The following RRM1 variants were observed in gnomAD, a reference collection of about 807,000 sequenced individuals.
The protein encoded by RRM1 is ribonucleoside-diphosphate reductase large subunit.
A neutral mutation model predicts 101.5 loss-of-function variants in RRM1; 19 were observed. That is an observed-to-expected ratio of 0.19 (90% CI 0.13 to 0.27). The LOEUF is 0.27. Ranked by LOEUF, RRM1 falls within the 10% of genes least tolerant of loss-of-function variation. The pLI, the probability that RRM1 is intolerant of heterozygous loss-of-function variation, is 1.00. For synonymous variants in RRM1, 298 were observed against 323.4 expected (o/e 0.92, Z 0.84); for missense variants, 500 against 962.9 (o/e 0.52, Z 6.36).
At chr11:4,126,993 A>C (rs1324519288) in intron 13 of RRM1, 42 bp from the exon 14 acceptor site, 1 of 1,545,220 alleles carries the variant, frequency 6.5e-7, no homozygotes, top group Non-Finnish European at 8.8e-7. Flanking sequence ...TTTCCTGTTC[A>C]GTAATGTTTT....
chr11:4,124,065 T>G (rs908031328), intron 12 of RRM1, among the ~76,000 whole-genome samples: 1 of 152,088 alleles, frequency 6.6e-6, no homozygotes, highest in Non-Finnish European at 1.5e-5. Context: ...GGCAAGTAAG[T>G]CTGTTTTGAT....
rs1399353279 is a variant in RRM1, at chr11:4,135,110, A to G, written c.2030A>G (p.Lys677Arg). Residue 677 changes from lysine to arginine, a missense_variant, in exon 18 of 19, where the codon AAG becomes AGG. Physicochemically the swap from Lys to Arg is conservative, Grantham distance 26. Transcript: ENST00000300738. ...ATACCAGAAATTCCTGATGACCTGA[A>G]GCAACTTTATAAAACTGTGTGGGAA... ...QSIPEIPDDLKQLYKTVWEIS... is the reference protein window; with the variant it reads ...QSIPEIPDDLRQLYKTVWEIS... The G allele has an allele frequency of 6.2e-7, 1 of 1,612,022 alleles. No homozygotes were observed. Among genetic ancestry groups the G allele is most frequent in the South Asian group, 1.1e-5 (1 of 90,582 alleles).
chr11:4,104,619 C>T (rs1446420864), intron 2 of RRM1, among the ~76,000 whole-genome samples: 1 of 152,150 alleles, frequency 6.6e-6, no homozygotes, highest in Non-Finnish European at 1.5e-5. Flanking sequence ...GGGCAAGTCT[C>T]AGTAACCTGA....
At chr11:4,094,786 A>C, upstream of RRM1, 1 of 592,368 alleles carries the variant, frequency 1.7e-6, no homozygotes, top group East Asian at 2.8e-5. Flanking sequence ...ACGTCATTCG[A>C]ACCCCGTCGC....
intron 2 of RRM1, among the ~76,000 whole-genome samples, chr11:4,103,220 T>G (rs2094553996): frequency 6.6e-6 from 1 of 152,258 alleles, no homozygotes; most frequent in South Asian, 2.1e-4. Flanking sequence ...GACATGTATC[T>G]AATTAGCCAC....
rs2094619486 is a variant in RRM1, at chr11:4,138,871, A to C, written c.*488A>C. On this transcript the variant is annotated 3_prime_UTR_variant, in exon 19 of 19. Transcript: ENST00000300738. Reference sequence around the variant, plus strand: ...TTCTGAAATAAAGATAAACATTTCTAAGTGATTGTATGAGATTAATTTTGT... The same window carrying C: ...TTCTGAAATAAAGATAAACATTTCTCAGTGATTGTATGAGATTAATTTTGT... 5.4e-6 allele frequency: 1 copy of C among 184,378 alleles called. No individual in the cohort carries two copies. Among genetic ancestry groups the C allele is most frequent in the Non-Finnish European group, 1.2e-5 (1 of 86,930 alleles). The allele number at this position is 184,378 out of a possible 1,614,324, so 11.4% of individuals were successfully genotyped here. A position where few individuals can be genotyped will look rare whatever the true frequency, so the allele number is the denominator to read the frequency against.
chr11:4,109,645 G>T lies in RRM1; in HGVS notation c.389G>T (p.Arg130Leu). The T allele has an allele frequency of 6.2e-7, 1 of 1,604,866 alleles. No individual in the cohort carries two copies. Among genetic ancestry groups the T allele is most frequent in the Non-Finnish European group, 8.5e-7 (1 of 1,175,662 alleles). Reference protein sequence around the residue: ...TLDIVLANKDRLNSAIIYDRD... With the variant: ...TLDIVLANKDLLNSAIIYDRD... ...TGGGTTCTTTTTCACCCCTATCAGC[G>T]CCTGAATTCTGCTATTATCTATGAC... The change falls in exon 5 of 19, where the codon CGC (arginine) becomes CTC (leucine). Residue 130 changes from arginine (R) to leucine (L), a missense_variant and splice_region_variant. By Grantham distance (102) the Arg-to-Leu change is moderately radical. Coordinates refer to ENST00000300738, the MANE Select transcript of RRM1 (RefSeq NM_001033.5).
intron 18 of RRM1, among the ~76,000 whole-genome samples, chr11:4,136,280 G>A (rs755841853): frequency 5.9e-5 from 9 of 151,960 alleles, no homozygotes; most frequent in South Asian, 2.1e-4. Flanking sequence ...GGAGTACAGC[G>A]GCATGATCTT....
At chr11:4,129,524 C>T (rs2094595438) in intron 15 of RRM1, among the ~76,000 whole-genome samples, 1 of 151,310 alleles carries the variant, frequency 6.6e-6, no homozygotes, top group Non-Finnish European at 1.5e-5. Flanking sequence ...TTACATCGGG[C>T]ATATAAATGG....
chr11:4,122,058 C>G, intron 10 of RRM1, 83 bp from the exon 11 acceptor site: 1 of 1,075,566 alleles, frequency 9.3e-7, no homozygotes, highest in South Asian at 1.5e-5. Context: ...TTGTAAAAGT[C>G]ACCTTATGCT....
chr11:4,095,174 C>G, intron 1 of RRM1, 143 bp downstream of exon 1: 2 of 1,013,808 alleles, frequency 2.0e-6, no homozygotes, highest in South Asian at 1.5e-5. Context: ...CCCTGTCAGC[C>G]CGCTCGGCCT....
intron 18 of RRM1, among the ~76,000 whole-genome samples, chr11:4,136,846 A>G (rs1419515944): frequency 1.3e-5 from 2 of 151,712 alleles, no homozygotes; most frequent in African/African-American, 4.9e-5. Flanking sequence ...ATAGGACAAT[A>G]GTAGAGGGAG....
intron 1 of RRM1, 184 bp from the exon 2 acceptor site, chr11:4,101,809 T>C: frequency 1.7e-6 from 1 of 577,122 alleles, no homozygotes; most frequent in Non-Finnish European, 3.0e-6. Flanking sequence ...ATTCATACTC[T>C]TTGAAGGTGA....
At chr11:4,095,777 C>T (rs1020207686) in intron 1 of RRM1, among the ~76,000 whole-genome samples, 1 of 152,122 alleles carries the variant, frequency 6.6e-6, no homozygotes, top group African/African-American at 2.4e-5. Flanking sequence ...GCTTTGTGCC[C>T]AGCCCTTTGC....
intron 7 of RRM1, among the ~76,000 whole-genome samples, chr11:4,117,778 C>T (rs867522417): frequency 1.3e-5 from 2 of 152,012 alleles, no homozygotes. Context: ...ATATTCAAGG[C>T]AGTGAAGAGA....
chr11:4,101,935 T>C, intron 1 of RRM1, 58 bp from the exon 2 acceptor site: 2 of 868,106 alleles, frequency 2.3e-6, no homozygotes, highest in Non-Finnish European at 3.9e-6. Context: ...TTTGACATTG[T>C]AGTCTTAATA....
At chr11:4,107,638 A>G in intron 4 of RRM1, 103 bp downstream of exon 4, 3 of 684,132 alleles carry the variant, frequency 4.4e-6, no homozygotes, top group Non-Finnish European at 7.7e-6. Flanking sequence ...GTAAATACTA[A>G]TTCTGTTTCC....
intron 8 of RRM1, chr11:4,119,031 C>T (rs1173702901): frequency 6.6e-6 from 1 of 152,256 alleles, no homozygotes; most frequent in East Asian, 1.9e-4. Context: ...GTTTACTGTT[C>T]AATGGGAGTC....
At chr11:4,121,860 G>GC in intron 10 of RRM1, 95 bp downstream of exon 10, 1 of 1,179,964 alleles carries the variant, frequency 8.5e-7, no homozygotes, top group Non-Finnish European at 1.2e-6. Context: ...GAGCCCATAT[G>GC]TGTGTGATGC....
Sources: allele counts gnomAD v4.1 joint callset (sites outside exome capture counted in the v4.1 genomes callset), GRCh38; gene constraint gnomAD v4.1.1; transcripts MANE v1.5; gene names NCBI Gene and HGNC (gene_info 2026-07-23, HGNC 2026-07-21).